NLN: variants seen among roughly 807,000 people sequenced by gnomAD.
NLN encodes the protein neurolysin, mitochondrial.
Under a neutral mutation model 79.9 loss-of-function variants are expected in NLN, and 64 were observed. The observed-to-expected ratio is 0.80, with a 90% CI of 0.65 to 0.99. The LOEUF (loss-of-function observed/expected upper bound fraction) is 0.99, where lower values mean the gene tolerates loss of function less well. Among genes scored for constraint, NLN ranks in the 50% least tolerant of loss-of-function variants. The pLI is 0.00. For synonymous variants in NLN, 267 were observed against 296.6 expected (o/e 0.90, Z 1.02); for missense variants, 835 against 858.7 (o/e 0.97, Z 0.34).
intron 12 of NLN, among the ~76,000 whole-genome samples, chr5:65,816,081 C>T (rs753872800): frequency 6.6e-6 from 1 of 152,030 alleles, no homozygotes; most frequent in Admixed American, 6.6e-5. Flanking sequence ...CCACGGAATA[C>T]AGTGCAGCCA....
At chr5:65,738,291 G>T (rs934152890) in intron 1 of NLN, among the ~76,000 whole-genome samples, 1 of 148,096 alleles carries the variant, frequency 6.8e-6, no homozygotes, top group African/African-American at 2.4e-5. Flanking sequence ...AGGATAAAAA[G>T]GAGGGGGAAA....
At chr5:65,762,079 T>C (rs1349264501) in intron 2 of NLN, among the ~76,000 whole-genome samples, 2 of 152,186 alleles carry the variant, frequency 1.3e-5, no homozygotes, top group East Asian at 3.8e-4. Flanking sequence ...AAAATACAAA[T>C]TGATGAAAAA....
intron 1 of NLN, among the ~76,000 whole-genome samples, chr5:65,745,494 G>A (rs1308125030): frequency 6.6e-6 from 1 of 152,206 alleles, no homozygotes; most frequent in Non-Finnish European, 1.5e-5. Flanking sequence ...ATGTGACCTT[G>A]AGCAAGCTAC....
intron 9 of NLN, among the ~76,000 whole-genome samples, chr5:65,803,919 T>C (rs546647423): frequency 2.6e-5 from 4 of 152,366 alleles, no homozygotes; most frequent in African/African-American, 9.6e-5. Flanking sequence ...ATCAGTAGTA[T>C]TGCAGAATCG....
chr5:65,788,096 T>C, intron 7 of NLN, 22 bp from the exon 8 acceptor site: 4 of 1,599,130 alleles, frequency 2.5e-6, no homozygotes, highest in Middle Eastern at 3.5e-4. Flanking sequence ...AGTAGATCAC[T>C]AACTTTTCCT....
chr5:65,777,397 C>T (rs34979), intron 3 of NLN, 30 bp from the exon 4 acceptor site: 6 of 1,404,242 alleles, frequency 4.3e-6, no homozygotes, highest in Non-Finnish European at 6.1e-6. Flanking sequence ...CTGTTTCAAC[C>T]GAAATGGTTT....
At chr5:65,724,481 A>T (rs1758411898) in intron 1 of NLN, among the ~76,000 whole-genome samples, 1 of 152,158 alleles carries the variant, frequency 6.6e-6, no homozygotes, top group Non-Finnish European at 1.5e-5. Flanking sequence ...TTGTTTATCC[A>T]TTTGTCAGTG....
intron 3 of NLN, among the ~76,000 whole-genome samples, chr5:65,776,012 G>A (rs1759671889): frequency 6.6e-6 from 1 of 152,186 alleles, no homozygotes; most frequent in South Asian, 2.1e-4. Flanking sequence ...CAGCACTTTG[G>A]GAGGCCGAGG....
rs990933165 is a variant in NLN, at chr5:65,828,420, C to T, written c.*5505C>T. 6.6e-6 allele frequency: 1 copy of T among 152,152 alleles called. No homozygotes were observed. The highest frequency in any genetic ancestry group is 1.5e-5 in the Non-Finnish European group (1 of 68,022). 9.4% of individuals were successfully genotyped at this position (152,152 alleles called of 1,614,324 possible). A position where few individuals can be genotyped will look rare whatever the true frequency, so the allele number is the denominator to read the frequency against. On this transcript the variant is annotated 3_prime_UTR_variant, in exon 13 of 13. Transcript: ENST00000380985. Reference sequence around the variant, plus strand: ...CAAGATGGTGATAACTTTGAAAATACTTCTCAAAAGAAAAATAAAAAAGAA... The same window carrying T: ...CAAGATGGTGATAACTTTGAAAATATTTCTCAAAAGAAAAATAAAAAAGAA...
At chr5:65,809,426 C>T in intron 9 of NLN, 89 bp from the exon 10 acceptor site, 1 of 1,087,150 alleles carries the variant, frequency 9.2e-7, no homozygotes, top group Non-Finnish European at 1.3e-6. Context: ...TCTGATTCTG[C>T]CTTAAGTTTT....
chr5:65,722,283 G>C lies in NLN; in HGVS notation c.-91G>C. 2.9e-6 allele frequency: 3 copies of C among 1,035,636 alleles called. No individual in the cohort carries two copies. The highest frequency in any genetic ancestry group is 6.3e-5 in the East Asian group (2 of 31,696). The allele number at this position is 1,035,636 out of a possible 1,614,324, so 64.2% of individuals were successfully genotyped here. ...GTGGCCTCTGCGGCTAGGCCGGCTC[G>C]AGACTCCCGGGCGCCCAGGCGCTGC... On this transcript the variant is annotated 5_prime_UTR_variant, in exon 1 of 13. Transcript: ENST00000380985.
chr5:65,776,850 C>A lies in NLN; in HGVS notation c.451-577C>A, dbSNP rs1759691855. On this transcript the variant is annotated intron_variant, in intron 3 of 12. Coordinates refer to ENST00000380985, the MANE Select transcript of NLN (RefSeq NM_020726.5). ...GACTCATTTTCCCCAGATACTTGTT[C>A]CTATGCGGCTTGCTGTAGTCCCTTG... is the stretch of plus-strand genomic sequence containing the variant. Among the ~76,000 whole-genome samples the A allele has an allele frequency of 2.6e-5, 4 of 152,312 alleles. No homozygotes were observed. The South Asian group carries it at 8.3e-4, about 32-fold the overall frequency.
At position 65,733,247 on chromosome 5, in the gene NLN, C is replaced by T. The variant is rs1227273797; in HGVS notation, c.41+10833C>T. The T allele has an allele frequency of 1.5e-4, 233 of 1,519,902 alleles. 31 individuals carry two copies. Among genetic ancestry groups the T allele is most frequent in the Admixed American group, 2.1e-4 (12 of 58,170 alleles). 94.2% of individuals were successfully genotyped at this position (1,519,902 alleles called of 1,614,324 possible). A position where few individuals can be genotyped will look rare whatever the true frequency, so the allele number is the denominator to read the frequency against. ...TAATGTGGACCACCAATCTTGAGCC[C>T]CTTGGAGCTCTGCTAGAGAAAGTTG... On this transcript the variant is annotated intron_variant, in intron 1 of 12. Coordinates refer to ENST00000380985, the MANE Select transcript of NLN (RefSeq NM_020726.5).
chr5:65,806,390 G>A (rs1760411342), intron 9 of NLN, among the ~76,000 whole-genome samples: 1 of 152,172 alleles, frequency 6.6e-6, no homozygotes, highest in Non-Finnish European at 1.5e-5. Context: ...CATGATTCAT[G>A]GGAAGAGATC....
intron 12 of NLN, among the ~76,000 whole-genome samples, chr5:65,819,536 A>G (rs1048371478): frequency 4.6e-5 from 7 of 152,220 alleles, no homozygotes; most frequent in Non-Finnish European, 8.8e-5. Context: ...CTGCCAAAAG[A>G]TACATGCTAA....
chr5:65,768,735 T>A lies in NLN; in HGVS notation c.450+5627T>A, dbSNP rs1025645012. Among the ~76,000 whole-genome samples the A allele has an allele frequency of 2.6e-5, 4 of 152,216 alleles. No homozygotes were observed. In the South Asian group the frequency reaches 8.3e-4, roughly 32 times the overall value. On this transcript the variant is annotated intron_variant, in intron 3 of 12. Coordinates refer to ENST00000380985, the MANE Select transcript of NLN (RefSeq NM_020726.5). The stretch of plus-strand genomic sequence containing the variant: ...GCCCCTTCCCTTCCCTGCTGGCCTT[T>A]CCTCAGTGTGTGCACATGGCACGGG...
rs1232449627 is a variant in NLN at position 65,812,379 on chromosome 5, A to G, written c.1968A>G (p.Ile656Met). 1 of 1,547,384 alleles carries G rather than the reference A, an allele frequency of 6.5e-7. No homozygotes were observed. Among genetic ancestry groups the G allele is most frequent in the South Asian group, 1.1e-5 (1 of 89,602 alleles). ...ACAGCTGTTTTAAAAAAGAAGGGAT[A>G]ATGAATCCAGAGGTATAGTATTATT... ...MFYSCFKKEG[I>M]MNPEVGMKYR... Residue 656 changes from isoleucine to methionine, a missense_variant, in exon 12 of 13, where the codon ATA becomes ATG. Physicochemically the swap from Ile to Met is conservative, Grantham distance 10 (BLOSUM62 1). Coordinates refer to ENST00000380985, the MANE Select transcript of NLN (RefSeq NM_020726.5).
rs559695025 is a variant in NLN at position 65,828,868 on chromosome 5, C to T, written c.*5953C>T. Reference sequence around the variant, plus strand: ...CTGGCATTCAGATGATTGCGGCTCCCCCATACTGTAGGAATATTGTTTATG... The same window carrying T: ...CTGGCATTCAGATGATTGCGGCTCCTCCATACTGTAGGAATATTGTTTATG... On this transcript the variant is annotated 3_prime_UTR_variant, in exon 13 of 13. Transcript: ENST00000380985. The T allele has an allele frequency of 7.2e-5, 11 of 152,304 alleles. No individual in the cohort carries two copies. Among genetic ancestry groups the T allele is most frequent in the African/African-American group, 2.4e-4 (10 of 41,580 alleles). The allele number at this position is 152,304 out of a possible 1,614,324, so 9.4% of individuals were successfully genotyped here.
intron 1 of NLN, among the ~76,000 whole-genome samples, chr5:65,732,643 C>T (rs1361750718): frequency 1.4e-5 from 2 of 142,620 alleles, no homozygotes; most frequent in Non-Finnish European, 3.1e-5. Context: ...GGTTTGCAGA[C>T]GCGGGCACGT....
Sources: gnomAD v4.1 joint callset for allele counts (sites outside exome capture counted in the v4.1 genomes callset) on GRCh38, gnomAD v4.1.1 for gene constraint, MANE v1.5 for transcripts, NCBI Gene and HGNC (gene_info 2026-07-23, HGNC 2026-07-21) for gene names.